Variants in TRIP6 observed in about 807,000 individuals in gnomAD.
TRIP6 encodes the protein thyroid hormone receptor interactor 6.
TRIP6 carries 33 observed loss-of-function variants against 51.9 expected under a neutral mutation model. The ratio of observed to expected loss-of-function variants is 0.64; its 90% confidence interval spans 0.48 to 0.85. The LOEUF (loss-of-function observed/expected upper bound fraction) is 0.85, where lower values mean the gene tolerates loss of function less well. TRIP6 is among the 40% of genes least tolerant of loss of function. The pLI is 0.00. For missense variants in TRIP6, 661 were observed against 652.1 expected (o/e 1.01, Z -0.15); for synonymous variants, 255 against 275.8 (o/e 0.92, Z 0.75).
chr7:100,870,362 C>T lies in TRIP6; in HGVS notation c.736-8C>T. On this transcript the variant is annotated splice_region_variant and splice_polypyrimidine_tract_variant and intron_variant, in intron 4 of 8. Transcript: ENST00000200457. ...AGAGTAGGACCGAGCCCGATTCCCA[C>T]CTTCCAGGTGCCCCTGAGCCAGCCT... 6.2e-7 allele frequency: 1 copy of T among 1,611,378 alleles called. No individual in the cohort carries two copies. The highest frequency in any genetic ancestry group is 8.5e-7 in the Non-Finnish European group (1 of 1,179,610).
In TRIP6 at chr7:100,868,148, T is replaced by C. The variant is rs1330087321; in HGVS notation, c.278T>C (p.Leu93Pro). 1 of 1,612,394 alleles carries C rather than the reference T, an allele frequency of 6.2e-7. No individual in the cohort carries two copies. Among genetic ancestry groups the C allele is most frequent in the Non-Finnish European group, 8.5e-7 (1 of 1,179,514 alleles). ...AGGGGGGGCCTTCGCCCTGGAAGCCTGGACGCCGAGATAGACTTGCTGAGC... is the reference window on the plus strand; with the variant it reads ...AGGGGGGGCCTTCGCCCTGGAAGCCCGGACGCCGAGATAGACTTGCTGAGC... ...ADRGGLRPGSLDAEIDLLSST... is the reference protein window; with the variant it reads ...ADRGGLRPGSPDAEIDLLSST... Residue 93 changes from leucine (L) to proline (P), a missense_variant, in exon 3 of 9, where the codon CTG becomes CCG. Leu to Pro is a moderately conservative substitution (Grantham distance 98). Transcript: ENST00000200457.
Position 100,867,637 on chromosome 7 carries a change from AC to A in TRIP6, c.109+34del. The A allele has an allele frequency of 1.3e-6, 2 of 1,550,528 alleles. No individual in the cohort carries two copies. Among genetic ancestry groups the A allele is most frequent in the Non-Finnish European group, 1.7e-6 (2 of 1,151,258 alleles). ...GCAGCCCTTGTGAGACAGAAGAGCC[AC>A]CCAGCTGTGGCGCTCACCTCTGTCC... On this transcript the variant is annotated intron_variant, in intron 1 of 8. Coordinates refer to ENST00000200457, the MANE Select transcript of TRIP6 (RefSeq NM_003302.3). The surrounding 1 kb of genome is among the most constrained non-coding windows in gnomAD (Gnocchi z 5.4).
At chr7:100,868,017 T>A (rs982352009) in intron 2 of TRIP6, 29 bp downstream of exon 2, 3 of 1,519,726 alleles carry the variant, frequency 2.0e-6, no homozygotes, top group East Asian at 4.7e-5. Context: ...GGGTGGGACA[T>A]GTGGGATCCC....
Position 100,867,619 on chromosome 7 carries a change from T to C in TRIP6, c.109+13T>C, listed in dbSNP as rs1251098229. 9.7e-6 allele frequency: 15 copies of C among 1,543,864 alleles called. No homozygotes were observed. The highest frequency in any genetic ancestry group is 1.2e-5 in the Non-Finnish European group (14 of 1,148,988). On this transcript the variant is annotated intron_variant, in intron 1 of 8. Coordinates refer to ENST00000200457, the MANE Select transcript of TRIP6 (RefSeq NM_003302.3). The surrounding 1 kb of genome is among the most constrained non-coding windows in gnomAD (Gnocchi z 5.4). ...GCCCACGGAGCAGGTAAGGCAGCCC[T>C]TGTGAGACAGAAGAGCCACCCAGCT...
intron 7 of TRIP6, 25 bp downstream of exon 7, chr7:100,871,746 T>TCA: frequency 6.2e-7 from 1 of 1,607,648 alleles, no homozygotes; most frequent in Non-Finnish European, 8.5e-7. Context: ...CCACCTTGTC[T>TCA]CACAATGTCT....
chr7:100,872,013 GTTTT>G (rs71517130), intron 7 of TRIP6, among the ~76,000 whole-genome samples: 4 of 115,250 alleles, frequency 3.5e-5, no homozygotes, highest in East Asian at 2.4e-4. Context: ...AGTTTTCTTC[GTTTT>G]TTTTTTTTTT....
chr7:100,873,440 C>A lies in TRIP6; in HGVS notation c.*137C>A. The A allele has an allele frequency of 1.5e-6, 2 of 1,328,884 alleles. No individual in the cohort carries two copies. The highest frequency in any genetic ancestry group is 2.5e-5 in the East Asian group (1 of 40,090). The allele number at this position is 1,328,884 out of a possible 1,614,324, so 82.3% of individuals were successfully genotyped here. A position where few individuals can be genotyped will look rare whatever the true frequency, so the allele number is the denominator to read the frequency against. On this transcript the variant is annotated 3_prime_UTR_variant, in exon 9 of 9. Coordinates refer to ENST00000200457, the MANE Select transcript of TRIP6 (RefSeq NM_003302.3). ...CTCCAATCAAGAAATAATAATCCCT[C>A]GAGTTTACAAAACACTTCCAAGTCT...
rs1379640567 is a variant in TRIP6, at chr7:100,872,689, CTG to C, written c.1247_1248del (p.Val416GlufsTer26). 1.2e-6 allele frequency: 2 copies of C among 1,614,116 alleles called. No individual in the cohort carries two copies. Among genetic ancestry groups the C allele is most frequent in the East Asian group, 2.2e-5 (1 of 44,878 alleles). On this transcript the variant is annotated frameshift_variant, in exon 8 of 9. Transcript: ENST00000200457. LOFTEE classifies it high-confidence loss of function. ...ATGCCTGAGCCAGGTCAGGAGGAGA[CTG>C]TGAGAATTGTTGCTCTGGATCGAAG...
Position 100,868,118 on chromosome 7 carries a change from C to CA in TRIP6, c.249dup (p.Asp84ArgfsTer41). 6.2e-7 allele frequency: 1 copy of CA among 1,612,824 alleles called. No individual in the cohort carries two copies. The highest frequency in any genetic ancestry group is 8.5e-7 in the Non-Finnish European group (1 of 1,179,632). On this transcript the variant is annotated frameshift_variant, in exon 3 of 9. Transcript: ENST00000200457. LOFTEE classifies it high-confidence loss of function. Reference sequence around the variant, plus strand: ...TGGCTCCATCCTCAGGGGCTCCCTGCAGACAGGGGGGGCCTTCGCCCTGGA... The same window carrying CA: ...TGGCTCCATCCTCAGGGGCTCCCTGCAAGACAGGGGGGGCCTTCGCCCTGGA...
rs369201013 is a variant in TRIP6 at position 100,871,636 on chromosome 7, T to C, written c.1093T>C (p.Cys365Arg). 2 of 1,614,004 alleles carry C rather than the reference T, an allele frequency of 1.2e-6. No homozygotes were observed. The highest frequency in any genetic ancestry group is 2.7e-5 in the African/African-American group (2 of 74,932). Residue 365 changes from cysteine to arginine, a missense_variant, in exon 7 of 9, where the codon TGC becomes CGC. Transcript: ENST00000200457. ...GKAYHPGCFT[C>R]VVCHRGLDGI... Reference sequence around the variant, plus strand: ...GGCCTACCACCCTGGCTGCTTCACCTGCGTGGTGTGTCACCGCGGCCTCGA... The same window carrying C: ...GGCCTACCACCCTGGCTGCTTCACCCGCGTGGTGTGTCACCGCGGCCTCGA...
chr7:100,873,039 C>G (rs1815306479), intron 8 of TRIP6, 133 bp from the exon 9 acceptor site: 1 of 1,305,096 alleles, frequency 7.7e-7, no homozygotes, highest in Non-Finnish European at 1.0e-6. Context: ...TTAGTAGAGA[C>G]AGGGTTTCAC....
intron 3 of TRIP6, 43 bp from the exon 4 acceptor site, chr7:100,868,452 G>T (rs781753165): frequency 6.2e-7 from 1 of 1,612,602 alleles, no homozygotes; most frequent in South Asian, 1.1e-5. Context: ...GGGTCTTGGA[G>T]TGGGGTCCTT....
rs1815203778 is a variant in TRIP6, at chr7:100,868,693, G to A, written c.562G>A (p.Ala188Thr). 6.3e-7 allele frequency: 1 copy of A among 1,593,580 alleles called. No homozygotes were observed. The highest frequency in any genetic ancestry group is 1.1e-5 in the South Asian group (1 of 89,386). ...GGGCTGCGGCCCACCCAGGCGGGGA[G>A]CCTCTCAGGCCTCTGGGCCCCTCCC... is the stretch of plus-strand genomic sequence containing the variant. ...VRGCGPPRRG[A>T]SQASGPLPGP... is the part of the protein sequence containing the mutation. The change falls in exon 4 of 9, where the codon GCC (alanine) becomes ACC (threonine). Residue 188 changes from alanine (A) to threonine (T), a missense_variant. Physicochemically the swap from Ala to Thr is moderately conservative, Grantham distance 58. Coordinates refer to ENST00000200457, the MANE Select transcript of TRIP6 (RefSeq NM_003302.3).
chr7:100,872,512 C>T, intron 7 of TRIP6, 112 bp from the exon 8 acceptor site: 1 of 1,500,550 alleles, frequency 6.7e-7, no homozygotes, highest in Non-Finnish European at 9.0e-7. Context: ...AGACCTAAGG[C>T]CATACCTCTG....
intron 7 of TRIP6, 150 bp from the exon 8 acceptor site, chr7:100,872,474 C>A: frequency 7.9e-7 from 1 of 1,263,810 alleles, no homozygotes; most frequent in Non-Finnish European, 1.1e-6. Context: ...TAGCCTCTCT[C>A]ATTCTCTTTG....
In TRIP6 at chr7:100,870,563, C is replaced by A; in HGVS notation, c.830-11C>A. On this transcript the variant is annotated splice_polypyrimidine_tract_variant and intron_variant, in intron 5 of 8. Transcript: ENST00000200457. The stretch of plus-strand genomic sequence containing the variant: ...TCTGTGAAGACTGATGCTGTTTCTC[C>A]CTGTCCTCAGGCCAGTGTGGTGGCT... 1.9e-6 allele frequency: 3 copies of A among 1,612,372 alleles called. No individual in the cohort carries two copies. In the South Asian group the frequency reaches 3.3e-5, roughly 18 times the overall value.
chr7:100,868,240 C>G lies in TRIP6; in HGVS notation c.363+7C>G. The G allele has an allele frequency of 2.5e-6, 4 of 1,606,148 alleles. No homozygotes were observed. Among genetic ancestry groups the G allele is most frequent in the South Asian group, 1.1e-5 (1 of 90,848 alleles). ...ACGGCGACCAGACCGACAGGTGACTCTGCCCCTCCTCCCCGTCAGCACCCT... is the reference window on the plus strand; with the variant it reads ...ACGGCGACCAGACCGACAGGTGACTGTGCCCCTCCTCCCCGTCAGCACCCT... On this transcript the variant is annotated splice_region_variant and intron_variant, in intron 3 of 8. Coordinates refer to ENST00000200457, the MANE Select transcript of TRIP6 (RefSeq NM_003302.3).
At position 100,868,607 on chromosome 7, in the gene TRIP6, C is replaced by A. The variant is rs1417416708; in HGVS notation, c.476C>A (p.Thr159Asn). 6.2e-7 allele frequency: 1 copy of A among 1,612,794 alleles called. No homozygotes were observed. The highest frequency in any genetic ancestry group is 1.7e-5 in the Admixed American group (1 of 59,986). ...GGCCCCACTCCAGCCTCTTACACTA[C>A]CGCCAGCACCCCGGCTGGCCCAGCC... ...YGGPTPASYT[T>N]ASTPAGPAFP... Residue 159 changes from threonine to asparagine, a missense_variant, in exon 4 of 9, where the codon ACC (threonine) becomes AAC (asparagine). Coordinates refer to ENST00000200457, the MANE Select transcript of TRIP6 (RefSeq NM_003302.3).
rs574529155 is a variant in TRIP6 at position 100,873,426 on chromosome 7, AAAT to A, written c.*130_*132del. ...GCTGTCTTCTCTTTCTCCAATCAAGAAATAATAATCCCTCGAGTTTACAAAACA... is the reference window on the plus strand; with the variant it reads ...GCTGTCTTCTCTTTCTCCAATCAAGAAATAATCCCTCGAGTTTACAAAACA... On this transcript the variant is annotated 3_prime_UTR_variant, in exon 9 of 9. Coordinates refer to ENST00000200457, the MANE Select transcript of TRIP6 (RefSeq NM_003302.3). The A allele has an allele frequency of 7.2e-6, 10 of 1,392,726 alleles. No individual in the cohort carries two copies. The highest frequency in any genetic ancestry group is 3.0e-5 in the South Asian group (2 of 66,562). The allele number at this position is 1,392,726 out of a possible 1,614,324, so 86.3% of individuals were successfully genotyped here.
Sources: gnomAD v4.1 joint callset for allele counts (sites outside exome capture counted in the v4.1 genomes callset) on GRCh38, gnomAD v4.1.1 for gene constraint, Gnocchi (gnomAD v3.1) non-coding constraint, MANE v1.5 for transcripts, NCBI Gene and HGNC (gene_info 2026-07-23, HGNC 2026-07-21) for gene names.